CASQ1: variants seen among roughly 807,000 people sequenced by gnomAD.
CASQ1 encodes the protein calsequestrin-1.
A neutral mutation model predicts 49.5 loss-of-function variants in CASQ1; 40 were observed. That is an observed-to-expected ratio of 0.81 (90% CI 0.63 to 1.05). The LOEUF is 1.05. Among genes scored for constraint, CASQ1 ranks in the 50% least tolerant of loss-of-function variants. The probability of loss-of-function intolerance (pLI) is 0.00; values close to 1 mark genes in which losing one functional copy is unlikely to be tolerated. For missense variants in CASQ1, 469 were observed against 486.9 expected, an observed-to-expected ratio of 0.96 and a Z score of 0.35; for synonymous variants, 174 against 187.2, an observed-to-expected ratio of 0.93 and a Z score of 0.58.
intron 1 of CASQ1, among the ~76,000 whole-genome samples, chr1:160,191,999 A>G (rs1254343658): frequency 6.6e-6 from 1 of 152,046 alleles, no homozygotes; most frequent in African/African-American, 2.4e-5. Context: ...CCACCTGCCA[A>G]CCGCCTCCCT....
chr1:160,195,661 C>CG (rs964901590), intron 5 of CASQ1, 127 bp downstream of exon 5: 13 of 782,914 alleles, frequency 1.7e-5, no homozygotes, highest in East Asian at 5.4e-5. Context: ...TGCCCCCCCC[C>CG]CCGGCTCCTC....
chr1:160,195,202 G>T, intron 4 of CASQ1, 79 bp downstream of exon 4: 1 of 923,394 alleles, frequency 1.1e-6, no homozygotes, highest in Non-Finnish European at 1.7e-6. Context: ...ACATCACCCA[G>T]TGTCTCAGCC....
chr1:160,193,871 G>A, intron 3 of CASQ1, 24 bp downstream of exon 3: 2 of 1,553,652 alleles, frequency 1.3e-6, no homozygotes, highest in African/African-American at 1.4e-5. Flanking sequence ...TGGACCTGAC[G>A]GCCTTGCTTG....
intron 3 of CASQ1, among the ~76,000 whole-genome samples, chr1:160,194,225 TCA>T (rs1654150947): frequency 8.8e-6 from 1 of 113,048 alleles, no homozygotes; most frequent in African/African-American, 3.5e-5. Context: ...TCCACACACA[TCA>T]CACACCACAT....
chr1:160,200,695 G>A (rs1332440195), intron 10 of CASQ1, among the ~76,000 whole-genome samples: 1 of 152,116 alleles, frequency 6.6e-6, no homozygotes, highest in Non-Finnish European at 1.5e-5. Context: ...CACTGAGAAT[G>A]GTACTAGAAA....
chr1:160,196,675 C>T (rs752845039), intron 6 of CASQ1, among the ~76,000 whole-genome samples: 1 of 152,074 alleles, frequency 6.6e-6, no homozygotes, highest in Non-Finnish European at 1.5e-5. Flanking sequence ...GGGGTTTCAC[C>T]ACGTTGGCCT....
At chr1:160,196,361 A>G (rs923318440) in intron 6 of CASQ1, among the ~76,000 whole-genome samples, 3 of 152,168 alleles carry the variant, frequency 2.0e-5, no homozygotes, top group Non-Finnish European at 2.9e-5. Context: ...CATCTCTATG[A>G]TTATATTAAG....
intron 9 of CASQ1, 51 bp from the exon 10 acceptor site, chr1:160,199,800 T>A (rs773171044): frequency 1.8e-5 from 23 of 1,244,098 alleles, no homozygotes; most frequent in Non-Finnish European, 2.6e-5. Flanking sequence ...CCTCCTGGAT[T>A]CATGTGCTCC....
At chr1:160,198,543 T>C in intron 7 of CASQ1, 134 bp from the exon 8 acceptor site, 1 of 660,268 alleles carries the variant, frequency 1.5e-6, no homozygotes, top group South Asian at 1.9e-5. Flanking sequence ...CGAAAGAATA[T>C]ATCTGGTCCT....
rs1654274859 is a variant in CASQ1, at chr1:160,197,703, C to T, written c.828+89C>T. On this transcript the variant is annotated intron_variant, in intron 7 of 10. Coordinates refer to ENST00000368078, the MANE Select transcript of CASQ1 (RefSeq NM_001231.5). ...AGAAAAACCCCACCCTACTGCTCCT[C>T]AGGCCCATTTTTAGAAAAAACAGTG... 5.5e-6 allele frequency: 5 copies of T among 905,040 alleles called. No individual in the cohort carries two copies. The Admixed American group carries it at 8.6e-5, about 16-fold the overall frequency. The allele number at this position is 905,040 out of a possible 1,614,324, so 56.1% of individuals were successfully genotyped here.
chr1:160,201,577 C>T lies in CASQ1; in HGVS notation c.*201C>T, dbSNP rs1038902097. 1 of 601,038 alleles carries T rather than the reference C, an allele frequency of 1.7e-6. No homozygotes were observed. Among genetic ancestry groups the T allele is most frequent in the Non-Finnish European group, 3.0e-6 (1 of 337,224 alleles). The allele number at this position is 601,038 out of a possible 1,614,324, so 37.2% of individuals were successfully genotyped here. A position where few individuals can be genotyped will look rare whatever the true frequency, so the allele number is the denominator to read the frequency against. Reference sequence around the variant, plus strand: ...TACTTTTCCCTAGACACCAGGCCAGCTCTCTCTTATCTGACTTCTGTTTCT... The same window carrying T: ...TACTTTTCCCTAGACACCAGGCCAGTTCTCTCTTATCTGACTTCTGTTTCT... On this transcript the variant is annotated 3_prime_UTR_variant, in exon 11 of 11. Transcript: ENST00000368078.
chr1:160,190,860 G>A lies in CASQ1; in HGVS notation c.109G>A (p.Gly37Arg), dbSNP rs746109416. ...CAAGTCAGGGGTACAGGGGCAGGAA[G>A]GGCTGGACTTCCCTGAGTACGATGG... ...TPKSGVQGQE[G>R]LDFPEYDGVD... The change falls in exon 1 of 11, where the codon GGG becomes AGG. Residue 37 changes from glycine to arginine, a missense_variant. Gly to Arg is a moderately radical substitution (Grantham distance 125, BLOSUM62 -2). Transcript: ENST00000368078. The A allele has an allele frequency of 6.2e-7, 1 of 1,614,208 alleles. No individual in the cohort carries two copies. The highest frequency in any genetic ancestry group is 8.5e-7 in the Non-Finnish European group (1 of 1,180,044).
intron 3 of CASQ1, 43 bp downstream of exon 3, chr1:160,193,890 A>T: frequency 1.5e-6 from 2 of 1,331,598 alleles, no homozygotes; most frequent in Non-Finnish European, 2.2e-6. Context: ...TGAAAACTCC[A>T]CTGCCTGCCC....
rs373136887 is a variant in CASQ1, at chr1:160,199,275, A to ATGGG, written c.984+224_984+227dup. On this transcript the variant is annotated intron_variant, in intron 9 of 10. Coordinates refer to ENST00000368078, the MANE Select transcript of CASQ1 (RefSeq NM_001231.5). ...CACACATTCCCAGAGCAGAGGCTGG[A>ATGGG]TGGGTAGCTCAGGTGCTAGGGCTGA... Among the ~76,000 whole-genome samples the ATGGG allele has an allele frequency of 1.9e-4, 29 of 152,314 alleles. No individual in the cohort carries two copies. The East Asian group carries it at 4.8e-3, about 25-fold the overall frequency.
intron 7 of CASQ1, among the ~76,000 whole-genome samples, 169 bp from the exon 8 acceptor site, chr1:160,198,508 A>G (rs922630341): frequency 3.3e-5 from 5 of 152,054 alleles, no homozygotes; most frequent in African/African-American, 1.2e-4. Context: ...TGTCTCAAAA[A>G]CAAAAAAAAA....
At chr1:160,196,320 T>C (rs77792988) in intron 6 of CASQ1, among the ~76,000 whole-genome samples, 3,488 of 152,298 alleles carry the variant, frequency 0.023, 133 homozygotes, top group African/African-American at 0.079. Flanking sequence ...GTTGACTGCC[T>C]GTGGTGGGGC....
chr1:160,200,242 C>T (rs1476117294), intron 10 of CASQ1, among the ~76,000 whole-genome samples: 1 of 152,164 alleles, frequency 6.6e-6, no homozygotes, highest in Non-Finnish European at 1.5e-5. Context: ...ATTTAAATGG[C>T]TATTTATGTA....
intron 3 of CASQ1, among the ~76,000 whole-genome samples, 161 bp downstream of exon 3, chr1:160,194,008 A>G (rs978071556): frequency 6.0e-5 from 9 of 149,784 alleles, no homozygotes; most frequent in African/African-American, 1.5e-4. Context: ...CACACCATAC[A>G]TACACACACA....
Position 160,190,933 on chromosome 1 carries a change from T to C in CASQ1, c.182T>C (p.Phe61Ser). ...AATGCAAAGAACTACAAGAATGTGT[T>C]CAAGAAGTATGAGGTGCTGGCACTC... ...NVNAKNYKNV[F>S]KKYEVLALLY... Residue 61 changes from phenylalanine to serine, a missense_variant, in exon 1 of 11, where the codon TTC becomes TCC. Physicochemically the swap from Phe to Ser is radical, Grantham distance 155 (BLOSUM62 -2). Coordinates refer to ENST00000368078, the MANE Select transcript of CASQ1 (RefSeq NM_001231.5). The C allele has an allele frequency of 1.2e-6, 2 of 1,614,088 alleles. No individual in the cohort carries two copies. The highest frequency in any genetic ancestry group is 8.5e-7 in the Non-Finnish European group (1 of 1,180,018).
Sources: gnomAD v4.1 joint callset for allele counts (sites outside exome capture counted in the v4.1 genomes callset) on GRCh38, gnomAD v4.1.1 for gene constraint, MANE v1.5 for transcripts, NCBI Gene and HGNC (gene_info 2026-07-23, HGNC 2026-07-21) for gene names.